Variants in XPR1 observed in about 807,000 individuals in gnomAD.
The protein encoded by XPR1 is xenotropic and polytropic retrovirus receptor 1.
A neutral mutation model predicts 87.5 loss-of-function variants in XPR1; 28 were observed. That is an observed-to-expected ratio of 0.32 (90% CI 0.24 to 0.44). XPR1 has a LOEUF of 0.44. Among genes scored for constraint, XPR1 ranks in the 20% least tolerant of loss-of-function variants. The pLI, the probability that XPR1 is intolerant of heterozygous loss-of-function variation, is 1.00. For synonymous variants in XPR1, 300 were observed against 306.1 expected, an observed-to-expected ratio of 0.98 and a Z score of 0.21; for missense variants, 559 against 862.3, an observed-to-expected ratio of 0.65 and a Z score of 4.41.
intron 11 of XPR1, among the ~76,000 whole-genome samples, chr1:180,843,259 A>G (rs1429971508): frequency 1.3e-5 from 2 of 150,570 alleles, no homozygotes; most frequent in Admixed American, 1.3e-4. Context: ...TTCATTCTCT[A>G]GGGAAATTTT....
At chr1:180,657,362 G>A (rs766554683) in intron 1 of XPR1, among the ~76,000 whole-genome samples, 2 of 152,096 alleles carry the variant, frequency 1.3e-5, no homozygotes, top group Non-Finnish European at 2.9e-5. Context: ...AGAAATCTTA[G>A]CCTAGTTCAG....
intron 2 of XPR1, among the ~76,000 whole-genome samples, chr1:180,773,761 A>G (rs1434311847): frequency 6.6e-6 from 1 of 152,152 alleles, no homozygotes; most frequent in Non-Finnish European, 1.5e-5. Context: ...TTTAAGAGCA[A>G]TGCAGCTATA....
intron 2 of XPR1, among the ~76,000 whole-genome samples, chr1:180,696,200 GTGTGTGTGTATATATATATATATA>G (rs1657165519): frequency 9.1e-6 from 1 of 110,058 alleles, no homozygotes; most frequent in African/African-American, 4.0e-5. Context: ...GTGTGTGTGT[GTGTGTGTGTATATATATATATATA>G]TATATATTAT....
At chr1:180,785,011 T>TTTTGTGTGTGTGTGTG (rs1553248230) in intron 2 of XPR1, among the ~76,000 whole-genome samples, 3 of 136,280 alleles carry the variant, frequency 2.2e-5, no homozygotes, top group Non-Finnish European at 4.7e-5. Flanking sequence ...GTGTGTGTGT[T>TTTTGTGTGTGTGTGTG]TGTGTGTGTG....
At chr1:180,635,635 C>G (rs1401954386) in intron 1 of XPR1, among the ~76,000 whole-genome samples, 1 of 152,016 alleles carries the variant, frequency 6.6e-6, no homozygotes, top group East Asian at 1.9e-4. Context: ...GATTATCTAC[C>G]TTGTTTTTCC....
chr1:180,824,641 T>A (rs1650762857), intron 7 of XPR1, 112 bp from the exon 8 acceptor site: 1 of 908,024 alleles, frequency 1.1e-6, no homozygotes. Context: ...TAGGTTTTAT[T>A]TATGAAAAAT....
At chr1:180,758,341 A>G (rs6689104) in intron 2 of XPR1, among the ~76,000 whole-genome samples, 51,471 of 151,890 alleles carry the variant, frequency 0.34, 9,101 homozygotes, top group Non-Finnish European at 0.38. Context: ...AGAGACGGGG[A>G]AGGGGAGGAG....
intron 2 of XPR1, among the ~76,000 whole-genome samples, chr1:180,708,476 A>G (rs570232332): frequency 1.3e-5 from 2 of 152,318 alleles, no homozygotes; most frequent in South Asian, 4.1e-4. Context: ...TTAATGTTAT[A>G]TATATTTTAC....
At chr1:180,771,218 A>C (rs983484732) in intron 2 of XPR1, among the ~76,000 whole-genome samples, 4 of 152,168 alleles carry the variant, frequency 2.6e-5, no homozygotes, top group Non-Finnish European at 5.9e-5. Flanking sequence ...ACCCTATCGT[A>C]TGAATTAAGT....
intron 14 of XPR1, among the ~76,000 whole-genome samples, chr1:180,882,389 C>T (rs1018747507): frequency 2.0e-5 from 3 of 152,080 alleles, no homozygotes; most frequent in African/African-American, 7.2e-5. Context: ...TATCTCGCTC[C>T]GTTGCCCAGG....
At chr1:180,781,569 A>G (rs1558005386) in intron 2 of XPR1, among the ~76,000 whole-genome samples, 2 of 151,914 alleles carry the variant, frequency 1.3e-5, no homozygotes, top group East Asian at 3.9e-4. Context: ...GCTATGCAAT[A>G]GGAGTATTTT....
At chr1:180,663,750 C>T (rs186300859) in intron 1 of XPR1, among the ~76,000 whole-genome samples, 173 of 152,282 alleles carry the variant, frequency 1.1e-3, no homozygotes, top group South Asian at 3.5e-3. Context: ...CCCAAGTCCC[C>T]GGGCAGGTCC....
intron 7 of XPR1, 31 bp from the exon 8 acceptor site, chr1:180,824,722 A>G (rs1650765422): frequency 6.4e-7 from 1 of 1,557,012 alleles, no homozygotes; most frequent in Admixed American, 1.9e-5. Flanking sequence ...TATGAATTTT[A>G]TAACTGACCA....
At chr1:180,657,156 C>T (rs987979424) in intron 1 of XPR1, among the ~76,000 whole-genome samples, 9 of 152,080 alleles carry the variant, frequency 5.9e-5, no homozygotes, top group Non-Finnish European at 1.3e-4. Context: ...AATGTCTGTT[C>T]AGATCTTTGG....
intron 13 of XPR1, 86 bp from the exon 14 acceptor site, chr1:180,879,990 T>C: frequency 7.0e-7 from 1 of 1,425,516 alleles, no homozygotes; most frequent in Non-Finnish European, 9.8e-7. Context: ...TTTCCATGAG[T>C]GGAAACTTGA....
chr1:180,811,576 T>A, intron 7 of XPR1, 88 bp downstream of exon 7: 1 of 980,192 alleles, frequency 1.0e-6, no homozygotes. Context: ...TGCATGCAAC[T>A]ACCAAAGCTA....
intron 4 of XPR1, among the ~76,000 whole-genome samples, chr1:180,805,281 A>G (rs1649950696): frequency 6.6e-6 from 1 of 152,244 alleles, no homozygotes; most frequent in Non-Finnish European, 1.5e-5. Flanking sequence ...TGTTGGGGAC[A>G]TGTAATCAGC....
chr1:180,644,618 C>G (rs1655054009), intron 1 of XPR1, among the ~76,000 whole-genome samples: 1 of 151,960 alleles, frequency 6.6e-6, no homozygotes, highest in African/African-American at 2.4e-5. Context: ...AAATATCTTT[C>G]TCAGTAATTA....
chr1:180,841,624 C>T (rs1209616948), intron 11 of XPR1, among the ~76,000 whole-genome samples: 2 of 152,100 alleles, frequency 1.3e-5, no homozygotes, highest in Non-Finnish European at 1.5e-5. Context: ...GGCCAGGGGA[C>T]TTGCACAGGG....
Sources: allele counts gnomAD v4.1 joint callset (sites outside exome capture counted in the v4.1 genomes callset), GRCh38; gene constraint gnomAD v4.1.1; transcripts MANE v1.5; gene names NCBI Gene and HGNC (gene_info 2026-07-23, HGNC 2026-07-21).